Variants in PARD3 observed in about 807,000 individuals in gnomAD.
The protein encoded by PARD3 is par-3 family cell polarity regulator, also known as partitioning defective 3 homolog.
A neutral mutation model predicts 155.4 loss-of-function variants in PARD3; 75 were observed. The observed-to-expected ratio is 0.48, with a 90% confidence interval of 0.40 to 0.58. The LOEUF (loss-of-function observed/expected upper bound fraction) is 0.58, where lower values mean the gene tolerates loss of function less well. PARD3 is among the 20% of genes least tolerant of loss of function. The pLI, the probability that PARD3 is intolerant of heterozygous loss-of-function variation, is 0.00. For synonymous variants in PARD3, 576 were observed against 610.5 expected, an observed-to-expected ratio of 0.94 and a Z score of 0.83; for missense variants, 1,642 against 1,721.7, an observed-to-expected ratio of 0.95 and a Z score of 0.82.
intron 15 of PARD3, chr10:34,344,230 T>A (rs528325055): frequency 2.0e-6 from 2 of 985,254 alleles, no homozygotes; most frequent in East Asian, 1.1e-4. Flanking sequence ...GTTAAATTAG[T>A]TATGCTGACT....
intron 23 of PARD3, among the ~76,000 whole-genome samples, chr10:34,125,127 C>T (rs1033014363): frequency 4.7e-5 from 7 of 148,754 alleles, no homozygotes; most frequent in East Asian, 1.9e-4. Context: ...AGTGCAATGG[C>T]GTGATCTTGG....
chr10:34,380,232 T>C (rs1001968932), intron 9 of PARD3, among the ~76,000 whole-genome samples: 2 of 152,238 alleles, frequency 1.3e-5, no homozygotes, highest in South Asian at 2.1e-4. Flanking sequence ...TTTGTAAGTA[T>C]TGGCAGCATG....
intron 21 of PARD3, among the ~76,000 whole-genome samples, chr10:34,275,439 C>T (rs544333829): frequency 9.1e-4 from 139 of 152,248 alleles, no homozygotes; most frequent in African/African-American, 2.3e-3. Flanking sequence ...TTAATGCTAA[C>T]GAGGCTTGCT....
intron 15 of PARD3, chr10:34,343,939 G>A (rs181465686): frequency 1.0e-6 from 1 of 980,940 alleles, no homozygotes; most frequent in Non-Finnish European, 1.2e-6. Flanking sequence ...CATGATACTA[G>A]AGGAAAACTG....
chr10:34,553,289 C>T (rs1249676088), intron 2 of PARD3, among the ~76,000 whole-genome samples: 1 of 152,132 alleles, frequency 6.6e-6, no homozygotes, highest in African/African-American at 2.4e-5. Flanking sequence ...AGGCTTCCTC[C>T]CCAGTCTCTG....
At chr10:34,773,387 G>C (rs980211575) in intron 1 of PARD3, among the ~76,000 whole-genome samples, 18 of 152,008 alleles carry the variant, frequency 1.2e-4, no homozygotes, top group Admixed American at 1.1e-3. Flanking sequence ...TCCTCTTGTT[G>C]AACTTCTGAA....
chr10:34,173,263 GT>G (rs1464987453), intron 22 of PARD3, among the ~76,000 whole-genome samples: 1 of 152,182 alleles, frequency 6.6e-6, no homozygotes, highest in Non-Finnish European at 1.5e-5. Context: ...AATAACCAGA[GT>G]ACTGGCAAAC....
At chr10:34,429,006 A>G (rs1469018457) in intron 5 of PARD3, among the ~76,000 whole-genome samples, 1 of 152,230 alleles carries the variant, frequency 6.6e-6, no homozygotes, top group East Asian at 1.9e-4. Context: ...CAGTATGCAT[A>G]TGGAAATTTT....
At chr10:34,714,481 T>G (rs1377498122) in intron 1 of PARD3, among the ~76,000 whole-genome samples, 1 of 152,078 alleles carries the variant, frequency 6.6e-6, no homozygotes, top group Admixed American at 6.5e-5. Context: ...GGGTCCAAGT[T>G]AAAGTGCCAC....
chr10:34,671,216 A>G (rs568954915), intron 2 of PARD3, among the ~76,000 whole-genome samples: 1 of 152,216 alleles, frequency 6.6e-6, no homozygotes, highest in African/African-American at 2.4e-5. Context: ...CATGGTTCCA[A>G]TGGAAGTGGA....
intron 22 of PARD3, among the ~76,000 whole-genome samples, chr10:34,133,305 G>A (rs1220820633): frequency 6.6e-6 from 1 of 152,126 alleles, no homozygotes. Context: ...CTGTACATCT[G>A]CATGCTCCCC....
chr10:34,671,039 A>G (rs928122070), intron 2 of PARD3, among the ~76,000 whole-genome samples: 3 of 152,220 alleles, frequency 2.0e-5, no homozygotes, highest in Non-Finnish European at 4.4e-5. Context: ...GCATCTGGCT[A>G]GAGAGATGGC....
chr10:34,368,328 T>C (rs1487477619), intron 12 of PARD3, among the ~76,000 whole-genome samples: 2 of 152,106 alleles, frequency 1.3e-5, no homozygotes, highest in Non-Finnish European at 2.9e-5. Flanking sequence ...CCTCATGAGA[T>C]AGGTAGAAGT....
At chr10:34,340,450 T>G (rs1836687838) in intron 16 of PARD3, among the ~76,000 whole-genome samples, 2 of 152,220 alleles carry the variant, frequency 1.3e-5, no homozygotes, top group Non-Finnish European at 2.9e-5. Context: ...CTTCTATGTT[T>G]AATCAAAAAC....
At chr10:34,559,651 C>T (rs2085303232) in intron 2 of PARD3, among the ~76,000 whole-genome samples, 1 of 152,142 alleles carries the variant, frequency 6.6e-6, no homozygotes, top group South Asian at 2.1e-4. Context: ...AATGCCCACT[C>T]ATCAATGCCA....
At chr10:34,522,555 G>A (rs541380559) in intron 2 of PARD3, among the ~76,000 whole-genome samples, 18 of 152,166 alleles carry the variant, frequency 1.2e-4, no homozygotes, top group African/African-American at 3.1e-4. Context: ...TGATAAATAC[G>A]TTCTACTTTT....
intron 1 of PARD3, among the ~76,000 whole-genome samples, chr10:34,698,557 G>A (rs562977350): frequency 6.6e-6 from 1 of 152,204 alleles, no homozygotes; most frequent in South Asian, 2.1e-4. Context: ...GTTTTCTTTT[G>A]TTTAGAGACA....
intron 7 of PARD3, among the ~76,000 whole-genome samples, chr10:34,395,807 G>A (rs1377198853): frequency 8.1e-6 from 1 of 123,300 alleles, no homozygotes; most frequent in Non-Finnish European, 1.6e-5. Context: ...ACTGCAGTCC[G>A]CAGTCCAACC....
At chr10:34,388,033 T>C (rs1842521012) in intron 7 of PARD3, among the ~76,000 whole-genome samples, 1 of 152,150 alleles carries the variant, frequency 6.6e-6, no homozygotes, top group African/African-American at 2.4e-5. Flanking sequence ...TTATAAGTCA[T>C]GAAAATCTCA....
Sources: gnomAD v4.1 joint callset for allele counts (sites outside exome capture counted in the v4.1 genomes callset) on GRCh38, gnomAD v4.1.1 for gene constraint, MANE v1.5 for transcripts, NCBI Gene and HGNC (gene_info 2026-07-23, HGNC 2026-07-21) for gene names.